ERAP1: variants seen among roughly 807,000 people sequenced by gnomAD.
ERAP1 encodes adipocyte-derived leucine aminopeptidase.
ERAP1 carries 86 observed loss-of-function variants against 103.7 expected under a neutral mutation model. The observed-to-expected ratio is 0.83, with a 90% confidence interval of 0.70 to 0.99. The LOEUF is 0.99. Ranked by LOEUF, ERAP1 falls within the 50% of genes least tolerant of loss-of-function variation. ERAP1 has a pLI of 0.00. For synonymous variants in ERAP1, 398 were observed against 402.4 expected (o/e 0.99, Z 0.13); for missense variants, 1,009 against 1,128.4 (o/e 0.89, Z 1.52).
chr5:96,881,434 C>T, the ERAP1 span: 1 of 456,208 alleles, frequency 2.2e-6, no homozygotes, highest in Admixed American at 2.3e-5. Context: ...AAGGATGCTT[C>T]ATAGAGTGGA....
intron 1 of ERAP1, 126 bp downstream of exon 1, chr5:96,807,721 CTCCCTCCTCCCGT>C: frequency 1.8e-6 from 1 of 541,864 alleles, no homozygotes. Flanking sequence ...CGCGCCCCGT[CTCCCTCCTCCCGT>C]GCCCCGTCTC....
chr5:96,894,123 T>C, the ERAP1 span, among the ~76,000 whole-genome samples: 1 of 152,234 alleles, frequency 6.6e-6, no homozygotes. Context: ...GTGGCTATAT[T>C]ATATACATCT....
In ERAP1 at chr5:96,786,819, T is replaced by C. The variant is rs55846401; in HGVS notation, c.1680-270A>G. On this transcript the variant is annotated intron_variant, in intron 11 of 18. Transcript: ENST00000443439. ...AAGCCTTTTTACAGTGATTGGCTGATTGCATCTCAGAGGCCTAACTTCAGG... is the reference window on the plus strand; with the variant it reads ...AAGCCTTTTTACAGTGATTGGCTGACTGCATCTCAGAGGCCTAACTTCAGG... 12 of 404,834 alleles carry C rather than the reference T, an allele frequency of 3.0e-5. No homozygotes were observed. In the South Asian group the frequency reaches 3.1e-4, roughly 10 times the overall value. 25.1% of individuals were successfully genotyped at this position (404,834 alleles called of 1,614,324 possible). A position where few individuals can be genotyped will look rare whatever the true frequency, so the allele number is the denominator to read the frequency against.
intron 19 of ERAP1, among the ~76,000 whole-genome samples, chr5:96,766,555 C>A (rs1169242116): frequency 6.6e-6 from 1 of 152,166 alleles, no homozygotes; most frequent in Non-Finnish European, 1.5e-5. Flanking sequence ...GCTCCAAGAC[C>A]TGGGGTCTCC....
At chr5:96,932,663 C>T in the ERAP1 span, among the ~76,000 whole-genome samples, 6 of 152,122 alleles carry the variant, frequency 3.9e-5, no homozygotes, top group African/African-American at 1.4e-4. Flanking sequence ...TTATCTGTTT[C>T]AATGTGAGGC....
chr5:96,881,642 A>G, the ERAP1 span, among the ~76,000 whole-genome samples: 2,266 of 152,300 alleles, frequency 0.015, 64 homozygotes, highest in African/African-American at 0.052. Flanking sequence ...AGTGCTGTTC[A>G]GAGTCATCCA....
chr5:96,905,802 T>C, the ERAP1 span, among the ~76,000 whole-genome samples: 1 of 152,120 alleles, frequency 6.6e-6, no homozygotes, highest in East Asian at 1.9e-4. Flanking sequence ...ATGAATCGCT[T>C]GAACCCAGAA....
chr5:96,858,550 TTGG>T, the ERAP1 span, among the ~76,000 whole-genome samples: 6 of 152,188 alleles, frequency 3.9e-5, no homozygotes, highest in African/African-American at 1.2e-4. Flanking sequence ...AACTAATTAC[TTGG>T]TGATTAATGA....
In ERAP1 at chr5:96,783,232, A is replaced by G; in HGVS notation, c.2104T>C (p.Phe702Leu). 1 of 1,610,762 alleles carries G rather than the reference A, an allele frequency of 6.2e-7. No homozygotes were observed. The highest frequency in any genetic ancestry group is 1.1e-5 in the South Asian group (1 of 91,010). The change falls in exon 15 of 19, where the codon TTC becomes CTC. Residue 702 changes from phenylalanine (F) to leucine (L), a missense_variant. Phe to Leu is a conservative substitution (Grantham distance 22). Transcript: ENST00000443439. ...AGGTCCCTTAGCAGCCTGATGAGGAAGGCCTGAGGGCGTTGTACAGGGAAA... is the reference window on the plus strand; with the variant it reads ...AGGTCCCTTAGCAGCCTGATGAGGAGGGCCTGAGGGCGTTGTACAGGGAAA... The part of the protein sequence containing the change: ...MNEVETQFKA[F>L]LIRLLRDLID...
intron 1 of ERAP1, among the ~76,000 whole-genome samples, chr5:96,806,568 A>G (rs890152490): frequency 3.9e-5 from 6 of 151,916 alleles, no homozygotes; most frequent in South Asian, 2.1e-4. Context: ...TTGGAATGCA[A>G]TCCACATCTG....
chr5:96,785,561 A>G, intron 13 of ERAP1: 1 of 543,632 alleles, frequency 1.8e-6, no homozygotes, highest in Non-Finnish European at 3.3e-6. Flanking sequence ...CTGAATTATT[A>G]ATGAGAAAGA....
downstream of ERAP1, chr5:96,772,179 CATTTTT>C (rs1772649241): frequency 1.3e-5 from 2 of 153,766 alleles, no homozygotes; most frequent in Admixed American, 1.3e-4. Context: ...AAAGATTGGC[CATTTTT>C]ATTTGTCATT....
chr5:96,814,199 C>T, the ERAP1 span: 39 of 455,360 alleles, frequency 8.6e-5, no homozygotes, highest in Middle Eastern at 3.3e-4. Context: ...CATTGACTAT[C>T]GGATTGAGAA....
chr5:96,896,285 A>G, the ERAP1 span: 1 of 1,075,954 alleles, frequency 9.3e-7, no homozygotes, highest in Non-Finnish European at 1.3e-6. Flanking sequence ...TCTTACCTCT[A>G]AGAACATCTT....
intron 3 of ERAP1, 112 bp from the exon 4 acceptor site, chr5:96,797,421 T>C (rs1322885381): frequency 8.1e-7 from 1 of 1,242,118 alleles, no homozygotes; most frequent in Non-Finnish European, 1.2e-6. Context: ...TCCCAGCACT[T>C]GGGGAGTCCG....
At chr5:96,913,465 T>C in the ERAP1 span, 1 of 1,613,700 alleles carries the variant, frequency 6.2e-7, no homozygotes, top group Non-Finnish European at 8.5e-7. Flanking sequence ...AAAGTTGGTA[T>C]TCATTTTCAT....
At chr5:96,817,241 G>A in the ERAP1 span, among the ~76,000 whole-genome samples, 14 of 152,286 alleles carry the variant, frequency 9.2e-5, no homozygotes, top group South Asian at 2.9e-3. Context: ...GCAGGATAGA[G>A]AAGGGTGAGG....
At chr5:96,807,661 C>G (rs1475683418) in intron 1 of ERAP1, among the ~76,000 whole-genome samples, 199 bp downstream of exon 1, 1 of 152,116 alleles carries the variant, frequency 6.6e-6, no homozygotes, top group Non-Finnish European at 1.5e-5. Context: ...CCTTCCCGCG[C>G]CCTGTCTCGC....
chr5:96,830,527 T>C, the ERAP1 span, among the ~76,000 whole-genome samples: 72,106 of 152,060 alleles, frequency 0.47, 17,406 homozygotes, highest in Non-Finnish European at 0.51. Flanking sequence ...TTGGACACTA[T>C]AGAGCAGTAA....
Sources: allele counts gnomAD v4.1 joint callset (sites outside exome capture counted in the v4.1 genomes callset), GRCh38; gene constraint gnomAD v4.1.1; transcripts MANE v1.5; gene names NCBI Gene and HGNC (gene_info 2026-07-23, HGNC 2026-07-21).